The following FBXL17 variants were observed in gnomAD, a reference collection of about 807,000 sequenced individuals.
FBXL17 encodes F-box/LRR-repeat protein 17.
FBXL17 carries 22 observed loss-of-function variants against 66.2 expected under a neutral mutation model. The observed-to-expected ratio is 0.33, with a 90% CI of 0.24 to 0.47. The LOEUF (loss-of-function observed/expected upper bound fraction) is 0.47, where lower values mean the gene tolerates loss of function less well. Among genes scored for constraint, FBXL17 ranks in the 20% least tolerant of loss-of-function variants. The pLI is 1.00. For synonymous variants in FBXL17, 474 were observed against 400.5 expected, an observed-to-expected ratio of 1.18 and a Z score of -2.19; for missense variants, 878 against 948.2, an observed-to-expected ratio of 0.93 and a Z score of 0.97.
At chr5:108,188,294 A>C (rs2150034706) in intron 5 of FBXL17, among the ~76,000 whole-genome samples, 1 of 152,328 alleles carries the variant, frequency 6.6e-6, no homozygotes, top group South Asian at 2.1e-4. Flanking sequence ...CAGATAAAAC[A>C]CAAAAAGGTC....
chr5:108,336,150 T>C (rs1561536496), intron 4 of FBXL17, among the ~76,000 whole-genome samples: 1 of 152,170 alleles, frequency 6.6e-6, no homozygotes, highest in Non-Finnish European at 1.5e-5. Flanking sequence ...GGGAAGAATT[T>C]ATGAAACTAG....
At chr5:108,002,052 G>A (rs1017746906) in intron 7 of FBXL17, among the ~76,000 whole-genome samples, 1 of 151,838 alleles carries the variant, frequency 6.6e-6, no homozygotes, top group Non-Finnish European at 1.5e-5. Context: ...AGTTTCACTT[G>A]TCACCCAGGT....
intron 6 of FBXL17, among the ~76,000 whole-genome samples, chr5:108,114,963 G>C (rs532726673): frequency 6.6e-6 from 1 of 152,216 alleles, no homozygotes; most frequent in Non-Finnish European, 1.5e-5. Context: ...CAGAAATGTA[G>C]TCCAAAAAAT....
chr5:108,081,888 T>C (rs1270770850), intron 6 of FBXL17, among the ~76,000 whole-genome samples: 1 of 152,084 alleles, frequency 6.6e-6, no homozygotes, highest in Non-Finnish European at 1.5e-5. Context: ...TCTCTCCGAG[T>C]AAATTTCTAG....
chr5:107,914,600 GGCC>G (rs1263184722), intron 7 of FBXL17, among the ~76,000 whole-genome samples: 1 of 152,196 alleles, frequency 6.6e-6, no homozygotes. Flanking sequence ...CCATCCACTT[GGCC>G]ACAGTGGTGG....
chr5:107,992,942 T>C (rs184567230), intron 7 of FBXL17, among the ~76,000 whole-genome samples: 66 of 152,028 alleles, frequency 4.3e-4, no homozygotes, highest in African/African-American at 1.3e-3. Context: ...GTCGCCCAGG[T>C]TGGAGTGCAG....
At chr5:108,324,939 G>A (rs1759781260) in intron 4 of FBXL17, among the ~76,000 whole-genome samples, 1 of 152,078 alleles carries the variant, frequency 6.6e-6, no homozygotes, top group African/African-American at 2.4e-5. Context: ...AAGGTACCTA[G>A]AAGAGGTACC....
chr5:108,286,354 C>T (rs182978234), intron 4 of FBXL17, among the ~76,000 whole-genome samples: 1 of 151,976 alleles, frequency 6.6e-6, no homozygotes, highest in South Asian at 2.1e-4. Flanking sequence ...TCAAAACTAT[C>T]CCTGTTGCAG....
At chr5:108,009,308 T>TATATATAGATAGATATATATACACAC in intron 7 of FBXL17, among the ~76,000 whole-genome samples, 4 of 42,210 alleles carry the variant, frequency 9.5e-5, no homozygotes, top group African/African-American at 3.5e-4. Flanking sequence ...TATACATATA[T>TATATATAGATAGATATATATACACAC]ACATACACAT....
chr5:108,022,518 A>G (rs1449947386), intron 6 of FBXL17, among the ~76,000 whole-genome samples: 6 of 152,032 alleles, frequency 3.9e-5, no homozygotes, highest in Non-Finnish European at 8.8e-5. Context: ...TGTCAAATCA[A>G]ATATACATAT....
In FBXL17 at chr5:107,862,969, T is replaced by C. The variant is rs370603934; in HGVS notation, c.1966-1109A>G. Among the ~76,000 whole-genome samples the C allele has an allele frequency of 1.5e-3, 220 of 151,600 alleles. 4 individuals are homozygous for C. The South Asian group carries it at 0.044, about 30-fold the overall frequency. ...TTCTTTTTACATTATTGAGAGTTGA[T>C]ATTTCAACATTGTGTTGATGATACT... On this transcript the variant is annotated intron_variant, in intron 8 of 8. Coordinates refer to ENST00000542267, the MANE Select transcript of FBXL17 (RefSeq NM_001163315.3).
At chr5:108,134,844 C>T (rs747216273) in intron 6 of FBXL17, among the ~76,000 whole-genome samples, 24 of 152,314 alleles carry the variant, frequency 1.6e-4, no homozygotes, top group Non-Finnish European at 2.9e-4. Context: ...TTGTCCCCCA[C>T]TTACAAATTA....
At position 107,929,077 on chromosome 5, in the gene FBXL17, G is replaced by A. The variant is rs998304073; in HGVS notation, c.1823-47898C>T. Among the ~76,000 whole-genome samples the A allele has an allele frequency of 2.6e-5, 4 of 152,246 alleles. No homozygotes were observed. The South Asian group carries it at 6.2e-4, about 24-fold the overall frequency. On this transcript the variant is annotated intron_variant, in intron 7 of 8. Transcript: ENST00000542267. The stretch of plus-strand genomic sequence containing the variant: ...GGGAAATAACACAAGGCAATGAAAG[G>A]TGAAATCTCTCTTTATCTCAAAGGA...
chr5:108,382,063 T>G lies in FBXL17; in HGVS notation c.-372A>C. ...CGGGTCCCGCTCGGACCATTTTAAC[T>G]GCGGATCCGCCGCCGGCGCGCGCAC... On this transcript the variant is annotated 5_prime_UTR_variant, in exon 1 of 9. Coordinates refer to ENST00000542267, the MANE Select transcript of FBXL17 (RefSeq NM_001163315.3). The G allele has an allele frequency of 1.3e-6, 1 of 746,970 alleles. No homozygotes were observed. Among genetic ancestry groups the G allele is most frequent in the Non-Finnish European group, 1.7e-6 (1 of 602,540 alleles). The allele number at this position is 746,970 out of a possible 1,614,324, so 46.3% of individuals were successfully genotyped here. A position where few individuals can be genotyped will look rare whatever the true frequency, so the allele number is the denominator to read the frequency against.
At chr5:108,355,346 T>C (rs1269865728) in intron 3 of FBXL17, among the ~76,000 whole-genome samples, 1 of 151,878 alleles carries the variant, frequency 6.6e-6, no homozygotes, top group Admixed American at 6.6e-5. Flanking sequence ...TGGAGCGCAG[T>C]GGCATGATCT....
intron 7 of FBXL17, among the ~76,000 whole-genome samples, chr5:107,943,769 AT>A (rs1264683969): frequency 6.6e-6 from 1 of 152,188 alleles, no homozygotes; most frequent in African/African-American, 2.4e-5. Context: ...TGTACAGTCC[AT>A]AAAACCTGAA....
intron 6 of FBXL17, among the ~76,000 whole-genome samples, chr5:108,175,622 G>C (rs1362866946): frequency 6.6e-6 from 1 of 152,144 alleles, no homozygotes; most frequent in African/African-American, 2.4e-5. Context: ...AAAGGTTCAA[G>C]CTGAAAGTAT....
rs374245548 is a variant in FBXL17 at position 107,927,681 on chromosome 5, C to T, written c.1823-46502G>A. ...TGTCACTAGCATAGTAATTTTCTTC[C>T]GTAGAAAAGGTTCTTTAATTTCCAA... On this transcript the variant is annotated intron_variant, in intron 7 of 8. Transcript: ENST00000542267. Among the ~76,000 whole-genome samples the T allele has an allele frequency of 2.2e-4, 34 of 152,060 alleles. 1 individual carries two copies. The highest frequency in any genetic ancestry group is 1.5e-3 in the South Asian group (7 of 4,820).
intron 7 of FBXL17, among the ~76,000 whole-genome samples, chr5:107,936,732 T>C (rs967869715): frequency 2.3e-4 from 35 of 152,122 alleles, no homozygotes; most frequent in Non-Finnish European, 1.5e-5. Context: ...AGAGCCTCCA[T>C]TCCTGTTTCA....
Sources: allele counts gnomAD v4.1 joint callset (sites outside exome capture counted in the v4.1 genomes callset), GRCh38; gene constraint gnomAD v4.1.1; transcripts MANE v1.5; gene names NCBI Gene and HGNC (gene_info 2026-07-23, HGNC 2026-07-21).